Variants in GCSH observed in about 807,000 individuals in gnomAD.
The protein encoded by GCSH is glycine cleavage system protein H, also known as glycine cleavage system H protein, mitochondrial.
A neutral mutation model predicts 21.3 loss-of-function variants in GCSH; 15 were observed. The observed-to-expected ratio is 0.70, with a 90% CI of 0.47 to 1.08. The LOEUF (loss-of-function observed/expected upper bound fraction) is 1.08. GCSH is among the 50% of genes least tolerant of loss of function. The pLI is 0.00. For missense variants in GCSH, 179 were observed against 217.5 expected, an observed-to-expected ratio of 0.82 and a Z score of 1.11; for synonymous variants, 59 against 84.5, an observed-to-expected ratio of 0.70 and a Z score of 1.66.
At chr16:81,093,042 G>C (rs894590351) in intron 1 of GCSH, among the ~76,000 whole-genome samples, 1 of 150,252 alleles carries the variant, frequency 6.7e-6, no homozygotes. Context: ...TGAGGCAGGA[G>C]AATCACTTGA....
At position 81,091,451 on chromosome 16, in the gene GCSH, G is replaced by A. The variant is rs746609444; in HGVS notation, c.149-771C>T. ...CACTTCTCTAAAGATACGGTCAAAC[G>A]ATTCAGGGAATCCTGAAAGAAGGAC... On this transcript the variant is annotated intron_variant, in intron 1 of 4. Transcript: ENST00000315467. 5.3e-5 allele frequency among the ~76,000 whole-genome samples: 8 copies of A among 152,174 alleles called. No individual in the cohort carries two copies. The East Asian group carries it at 1.2e-3, about 22-fold the overall frequency.
At position 81,090,594 on chromosome 16, in the gene GCSH, C is replaced by A. The variant is rs780479856; in HGVS notation, c.228+7G>T. The A allele has an allele frequency of 1.3e-6, 2 of 1,554,420 alleles. No homozygotes were observed. Among genetic ancestry groups the A allele is most frequent in the African/African-American group, 1.4e-5 (1 of 73,748 alleles). On this transcript the variant is annotated splice_region_variant and intron_variant, in intron 2 of 4. Coordinates refer to ENST00000315467, the MANE Select transcript of GCSH (RefSeq NM_004483.5). ...ACTGGGACAAATATTTCAATATAAT[C>A]CAATACCTGTGCAAAATTGCTGATT... is the stretch of plus-strand genomic sequence containing the variant.
intron 4 of GCSH, 97 bp from the exon 5 acceptor site, chr16:81,083,060 A>G (rs1972201719): frequency 2.5e-6 from 2 of 805,364 alleles, no homozygotes; most frequent in African/African-American, 3.4e-5. Flanking sequence ...TCAATCTTGT[A>G]TTCTTTACAA....
chr16:81,091,736 GT>G (rs1972401569), intron 1 of GCSH, among the ~76,000 whole-genome samples: 1 of 152,080 alleles, frequency 6.6e-6, no homozygotes, highest in Non-Finnish European at 1.5e-5. Flanking sequence ...AATTGCTTTG[GT>G]TACAGCTCTG....
chr16:81,090,495 T>A, intron 2 of GCSH, 106 bp downstream of exon 2: 1 of 797,720 alleles, frequency 1.3e-6, no homozygotes, highest in South Asian at 1.4e-5. Flanking sequence ...GTGTTGGGAT[T>A]ACAGGCATGA....
At chr16:81,085,015 C>CTTTTTTTT (rs34324394) in intron 3 of GCSH, among the ~76,000 whole-genome samples, 1 of 106,816 alleles carries the variant, frequency 9.4e-6, no homozygotes, top group African/African-American at 3.8e-5. Flanking sequence ...GCACCTGGCT[C>CTTTTTTTT]TTTTTTTTTT....
intron 1 of GCSH, among the ~76,000 whole-genome samples, chr16:81,095,101 GAAAA>G (rs56957840): frequency 6.9e-6 from 1 of 144,812 alleles, no homozygotes; most frequent in Non-Finnish European, 1.5e-5. Context: ...TCAATAAAAA[GAAAA>G]AAAAAAAAAA....
In GCSH at chr16:81,082,539, T is replaced by G. The variant is rs1186690950; in HGVS notation, c.*327A>C. 3 of 350,292 alleles carry G rather than the reference T, an allele frequency of 8.6e-6. No homozygotes were observed. Among genetic ancestry groups the G allele is most frequent in the African/African-American group, 7.3e-5 (3 of 40,900 alleles). 21.7% of individuals were successfully genotyped at this position (350,292 alleles called of 1,614,324 possible). On this transcript the variant is annotated 3_prime_UTR_variant, in exon 5 of 5. Coordinates refer to ENST00000315467, the MANE Select transcript of GCSH (RefSeq NM_004483.5). ...AGGTATGGATACATGCAAGTTACAA[T>G]ATTATATAAGGCTTAAGAATAACAA...
intron 3 of GCSH, 92 bp downstream of exon 3, chr16:81,087,509 G>T: frequency 5.7e-6 from 5 of 873,354 alleles, no homozygotes; most frequent in African/African-American, 1.8e-5. Context: ...AAAAAAAAAA[G>T]CACTCTAATT....
intron 3 of GCSH, among the ~76,000 whole-genome samples, chr16:81,086,833 T>C (rs970261664): frequency 7.6e-6 from 1 of 131,254 alleles, no homozygotes; most frequent in African/African-American, 2.6e-5. Flanking sequence ...ATATAAAGAA[T>C]AGGCAAAATA....
At chr16:81,095,840 C>T (rs1035898437) in intron 1 of GCSH, among the ~76,000 whole-genome samples, 6 of 152,098 alleles carry the variant, frequency 3.9e-5, no homozygotes, top group African/African-American at 1.4e-4. Context: ...AGCGGCCGAC[C>T]TGCCCGCCGG....
chr16:81,096,320 C>A lies in GCSH; in HGVS notation c.-42G>T. 7.4e-7 allele frequency: 1 copy of A among 1,344,658 alleles called. No individual in the cohort carries two copies. Among genetic ancestry groups the A allele is most frequent in the Non-Finnish European group, 9.5e-7 (1 of 1,052,704 alleles). The allele number at this position is 1,344,658 out of a possible 1,614,324, so 83.3% of individuals were successfully genotyped here. A position where few individuals can be genotyped will look rare whatever the true frequency, so the allele number is the denominator to read the frequency against. ...GGGTCGCAGCGCTACGCCTCGGCCA[C>A]CCGCGCCGGGAGGCGGGGCGGGGAG... On this transcript the variant is annotated 5_prime_UTR_variant, in exon 1 of 5. Coordinates refer to ENST00000315467, the MANE Select transcript of GCSH (RefSeq NM_004483.5).
chr16:81,094,237 T>A (rs893704289), intron 1 of GCSH, among the ~76,000 whole-genome samples: 1 of 152,196 alleles, frequency 6.6e-6, no homozygotes, highest in African/African-American at 2.4e-5. Context: ...AAAAGGTGGT[T>A]TTTGGCCTCG....
rs1972513413 is a variant in GCSH at position 81,096,382 on chromosome 16, G to C, written c.-104C>G. On this transcript the variant is annotated 5_prime_UTR_variant, in exon 1 of 5. Transcript: ENST00000315467. ...GGCCGGAGGGAGCCGGCTGGATGGA[G>C]GCGCGGAGGCGGTGCCGCGGGGGCG... 13 of 965,358 alleles carry C rather than the reference G, an allele frequency of 1.3e-5. No individual in the cohort carries two copies. In the East Asian group the frequency reaches 4.6e-4, roughly 34 times the overall value. 59.8% of individuals were successfully genotyped at this position (965,358 alleles called of 1,614,324 possible). A position where few individuals can be genotyped will look rare whatever the true frequency, so the allele number is the denominator to read the frequency against.
intron 3 of GCSH, among the ~76,000 whole-genome samples, chr16:81,086,382 A>G (rs1972279866): frequency 6.6e-6 from 1 of 152,044 alleles, no homozygotes; most frequent in South Asian, 2.1e-4. Context: ...AAACCTCGAA[A>G]TAAATAAATT....
intron 1 of GCSH, among the ~76,000 whole-genome samples, chr16:81,092,630 C>T (rs1311130612): frequency 6.6e-6 from 1 of 151,426 alleles, no homozygotes; most frequent in Non-Finnish European, 1.5e-5. Context: ...GTAATGCCAG[C>T]GACTTGGGAA....
At position 81,096,295 on chromosome 16, in the gene GCSH, G is replaced by T. The variant is rs1468547823; in HGVS notation, c.-17C>A. The T allele has an allele frequency of 2.2e-6, 3 of 1,364,272 alleles. No individual in the cohort carries two copies. In the African/African-American group the frequency reaches 4.6e-5, roughly 21 times the overall value. 84.5% of individuals were successfully genotyped at this position (1,364,272 alleles called of 1,614,324 possible). ...CAGCGCCATGTTCGCAGGGGTGCGG[G>T]GGTCGCAGCGCTACGCCTCGGCCAC... On this transcript the variant is annotated 5_prime_UTR_variant, in exon 1 of 5. Transcript: ENST00000315467.
At chr16:81,089,610 G>A (rs930314734) in intron 2 of GCSH, among the ~76,000 whole-genome samples, 1 of 152,082 alleles carries the variant, frequency 6.6e-6, no homozygotes, top group Non-Finnish European at 1.5e-5. Context: ...CCCCGAGGAG[G>A]CAGTTATCAG....
intron 1 of GCSH, among the ~76,000 whole-genome samples, chr16:81,093,845 A>G (rs931645183): frequency 4.6e-5 from 7 of 152,168 alleles, no homozygotes; most frequent in African/African-American, 1.7e-4. Context: ...GGCAATGATT[A>G]GTACAATTCT....
Sources: allele counts gnomAD v4.1 joint callset (sites outside exome capture counted in the v4.1 genomes callset), GRCh38; gene constraint gnomAD v4.1.1; transcripts MANE v1.5; gene names NCBI Gene and HGNC (gene_info 2026-07-23, HGNC 2026-07-21).